Variants in ARHGAP15 observed in about 807,000 individuals in gnomAD.
ARHGAP15 encodes rho GTPase-activating protein 15.
A neutral mutation model predicts 63.7 loss-of-function variants in ARHGAP15; 51 were observed. The observed-to-expected ratio is 0.80, with a 90% CI of 0.64 to 1.01. The LOEUF (loss-of-function observed/expected upper bound fraction) is 1.01, where lower values mean the gene tolerates loss of function less well. ARHGAP15 is among the 50% of genes least tolerant of loss of function. The pLI is 0.00. For missense variants in ARHGAP15, 560 were observed against 564.6 expected (o/e 0.99, Z 0.08); for synonymous variants, 191 against 193.8 (o/e 0.99, Z 0.12).
chr2:143,611,629 G>T lies in ARHGAP15; in HGVS notation c.1004-12504G>T, dbSNP rs572323024. On this transcript the variant is annotated intron_variant, in intron 11 of 13. Coordinates refer to ENST00000295095, the MANE Select transcript of ARHGAP15 (RefSeq NM_018460.4). ...TTCTATGCTGATAATTTTCAAATTT[G>T]TCTGTCCAGTCTTTATCTCTTTACC... 4.6e-5 allele frequency among the ~76,000 whole-genome samples: 7 copies of T among 152,130 alleles called. No homozygotes were observed. The South Asian group carries it at 8.3e-4, about 18-fold the overall frequency.
chr2:143,387,514 T>C (rs1363273406), intron 6 of ARHGAP15, among the ~76,000 whole-genome samples: 2 of 152,194 alleles, frequency 1.3e-5, no homozygotes, highest in African/African-American at 2.4e-5. Context: ...TATACTCTTT[T>C]CAATTATTAG....
At chr2:143,248,722 C>T (rs1017408608) in intron 5 of ARHGAP15, among the ~76,000 whole-genome samples, 1 of 152,164 alleles carries the variant, frequency 6.6e-6, no homozygotes, top group Non-Finnish European at 1.5e-5. Flanking sequence ...CCTAGAACTC[C>T]AGAGGCAAGG....
intron 6 of ARHGAP15, among the ~76,000 whole-genome samples, chr2:143,265,412 A>C (rs1294835239): frequency 6.6e-6 from 1 of 152,156 alleles, no homozygotes; most frequent in African/African-American, 2.4e-5. Flanking sequence ...GGGAAAGAAA[A>C]GAAATTTGAT....
chr2:143,249,615 T>C (rs1680041257), intron 5 of ARHGAP15, among the ~76,000 whole-genome samples: 1 of 152,030 alleles, frequency 6.6e-6, no homozygotes, highest in South Asian at 2.1e-4. Context: ...GAAAAAATAG[T>C]AAAGAAATTC....
chr2:143,380,479 G>A (rs921974862), intron 6 of ARHGAP15, among the ~76,000 whole-genome samples: 2 of 152,148 alleles, frequency 1.3e-5, no homozygotes, highest in Non-Finnish European at 2.9e-5. Context: ...TGTTACCAGT[G>A]TCAGTGTCTC....
intron 6 of ARHGAP15, among the ~76,000 whole-genome samples, chr2:143,290,100 C>T (rs978180770): frequency 2.0e-5 from 3 of 152,006 alleles, no homozygotes; most frequent in African/African-American, 7.2e-5. Context: ...TACCAAGCAA[C>T]AGCCAAGCTC....
At chr2:143,616,622 T>G (rs369381782) in intron 11 of ARHGAP15, among the ~76,000 whole-genome samples, 3 of 152,158 alleles carry the variant, frequency 2.0e-5, no homozygotes, top group African/African-American at 7.2e-5. Context: ...GTTACTTCCT[T>G]CCTCCCTCTG....
intron 13 of ARHGAP15, chr2:143,704,015 A>AG (rs2105424744): frequency 6.6e-6 from 1 of 151,790 alleles, no homozygotes; most frequent in Admixed American, 6.6e-5. Context: ...CAGGAAAAAA[A>AG]AAAAAAAAAG....
chr2:143,760,213 T>C (rs1448412635), intron 13 of ARHGAP15, among the ~76,000 whole-genome samples: 1 of 152,180 alleles, frequency 6.6e-6, no homozygotes, highest in African/African-American at 2.4e-5. Flanking sequence ...TCTAAACTTT[T>C]CAAATTTTCT....
chr2:143,285,425 G>C (rs1446182419), intron 6 of ARHGAP15, among the ~76,000 whole-genome samples: 1 of 152,028 alleles, frequency 6.6e-6, no homozygotes, highest in Admixed American at 6.6e-5. Flanking sequence ...TATGAAACTT[G>C]TACTTTGTTT....
chr2:143,173,880 C>T (rs549986498), intron 2 of ARHGAP15, among the ~76,000 whole-genome samples: 81 of 152,174 alleles, frequency 5.3e-4, no homozygotes, highest in African/African-American at 1.9e-3. Flanking sequence ...AGAAAAAAAT[C>T]CCACAAGAAA....
chr2:143,310,178 T>C (rs1313035892), intron 6 of ARHGAP15, among the ~76,000 whole-genome samples: 1 of 152,068 alleles, frequency 6.6e-6, no homozygotes, highest in Non-Finnish European at 1.5e-5. Context: ...TGTTATTTTT[T>C]TGTTTACAGT....
intron 6 of ARHGAP15, among the ~76,000 whole-genome samples, chr2:143,263,029 C>T (rs1680807365): frequency 6.6e-6 from 1 of 152,070 alleles, no homozygotes; most frequent in South Asian, 2.1e-4. Context: ...CAATGGTGTG[C>T]CATGCATTGA....
intron 6 of ARHGAP15, among the ~76,000 whole-genome samples, chr2:143,394,085 C>G (rs1485758882): frequency 1.3e-5 from 2 of 152,180 alleles, no homozygotes; most frequent in Non-Finnish European, 2.9e-5. Context: ...TGCATATACA[C>G]AGTGATCACT....
At chr2:143,628,714 T>C (rs778557054) in intron 12 of ARHGAP15, among the ~76,000 whole-genome samples, 5 of 152,198 alleles carry the variant, frequency 3.3e-5, no homozygotes, top group Non-Finnish European at 5.9e-5. Flanking sequence ...TACTCCACTC[T>C]TCCTTATCTG....
At chr2:143,670,159 G>C (rs1434558943) in intron 12 of ARHGAP15, among the ~76,000 whole-genome samples, 1 of 152,152 alleles carries the variant, frequency 6.6e-6, no homozygotes, top group Non-Finnish European at 1.5e-5. Context: ...AAAAGCTCTT[G>C]CTGCTTCTCA....
intron 12 of ARHGAP15, among the ~76,000 whole-genome samples, chr2:143,673,165 T>TAC (rs897280914): frequency 6.6e-6 from 1 of 152,212 alleles, no homozygotes; most frequent in African/African-American, 2.4e-5. Context: ...ATTCTTACTT[T>TAC]ACAACATATA....
chr2:143,398,375 G>T (rs138365046), intron 6 of ARHGAP15, among the ~76,000 whole-genome samples: 24 of 152,172 alleles, frequency 1.6e-4, no homozygotes, highest in African/African-American at 5.8e-4. Context: ...TGCTAACTCC[G>T]CTTGTTGTAA....
chr2:143,316,117 AT>A (rs1483802658), intron 6 of ARHGAP15, among the ~76,000 whole-genome samples: 1 of 152,128 alleles, frequency 6.6e-6, no homozygotes, highest in African/African-American at 2.4e-5. Flanking sequence ...ATAAATATTT[AT>A]TTGTAAGGAT....
Sources: allele counts gnomAD v4.1 joint callset (sites outside exome capture counted in the v4.1 genomes callset), GRCh38; gene constraint gnomAD v4.1.1; transcripts MANE v1.5; gene names NCBI Gene and HGNC (gene_info 2026-07-23, HGNC 2026-07-21).